Variants in MYO1B observed in about 807,000 individuals in gnomAD.
The protein encoded by MYO1B is unconventional myosin-Ib.
Under a neutral mutation model 159.7 loss-of-function variants are expected in MYO1B, and 72 were observed. The observed-to-expected ratio is 0.45, with a 90% CI of 0.37 to 0.55. MYO1B has a LOEUF of 0.55. MYO1B is among the 20% of genes least tolerant of loss of function. The pLI, the probability that MYO1B is intolerant of heterozygous loss-of-function variation, is 0.00. For synonymous variants in MYO1B, 468 were observed against 473.8 expected (o/e 0.99, Z 0.16); for missense variants, 1,062 against 1,364.8 (o/e 0.78, Z 3.50).
chr2:191,302,002 C>G, intron 3 of MYO1B, among the ~76,000 whole-genome samples: 1 of 152,230 alleles, frequency 6.6e-6, no homozygotes, highest in East Asian at 1.9e-4. Flanking sequence ...TCCCTGCTCT[C>G]CTCCAAACCC....
intron 3 of MYO1B, among the ~76,000 whole-genome samples, chr2:191,322,649 GAA>G (rs1690801413): frequency 6.6e-6 from 1 of 152,126 alleles, no homozygotes; most frequent in South Asian, 2.1e-4. Flanking sequence ...AATCTTGAAA[GAA>G]AACTACCCCT....
At chr2:191,349,912 C>A (rs1357793118) in intron 6 of MYO1B, among the ~76,000 whole-genome samples, 1 of 152,170 alleles carries the variant, frequency 6.6e-6, no homozygotes, top group Non-Finnish European at 1.5e-5. Flanking sequence ...ATGGAAAAAT[C>A]ACATGATGGC....
In MYO1B at chr2:191,333,803, A is replaced by G. The variant is rs76963821; in HGVS notation, c.346+3774A>G. Among the ~76,000 whole-genome samples, 6 of 152,274 alleles carry G rather than the reference A, an allele frequency of 3.9e-5. No individual in the cohort carries two copies. The East Asian group carries it at 1.2e-3, about 29-fold the overall frequency. On this transcript the variant is annotated intron_variant, in intron 4 of 30. Transcript: ENST00000392318. ...AAAATGTTTTTACCCCTTCCATGTC[A>G]CTAACCAGTTCTTTCAGGTGAAACA...
rs544242395 is a variant in MYO1B, at chr2:191,398,855, A to G, written c.2296-1527A>G. On this transcript the variant is annotated intron_variant, in intron 21 of 30. Transcript: ENST00000392318. ...CAGGCAGAGACGCTCCTCACTTCCC[A>G]GACGGGGTGGCGGCCGGGCAGAGGC... is the stretch of plus-strand genomic sequence containing the variant. 3.4e-3 allele frequency among the ~76,000 whole-genome samples: 522 copies of G among 152,158 alleles called. 1 individual carries two copies. Among genetic ancestry groups the G allele is most frequent in the African/African-American group, 0.012 (503 of 41,516 alleles).
At chr2:191,391,574 G>C (rs1437933306) in intron 18 of MYO1B, among the ~76,000 whole-genome samples, 1 of 152,156 alleles carries the variant, frequency 6.6e-6, no homozygotes, top group Non-Finnish European at 1.5e-5. Flanking sequence ...GTGAGGTTTA[G>C]TTCTAAAGAC....
intron 3 of MYO1B, among the ~76,000 whole-genome samples, chr2:191,314,096 C>T (rs1183019729): frequency 6.6e-6 from 1 of 152,096 alleles, no homozygotes; most frequent in Non-Finnish European, 1.5e-5. Flanking sequence ...AACATGAGTT[C>T]AGTAGTATAA....
intron 4 of MYO1B, among the ~76,000 whole-genome samples, chr2:191,330,286 G>A (rs138695275): frequency 1.3e-5 from 2 of 152,104 alleles, no homozygotes; most frequent in African/African-American, 4.8e-5. Flanking sequence ...TCTGGATGGT[G>A]CAAGATCTTT....
chr2:191,402,301 T>C (rs72918550), intron 23 of MYO1B: 22,967 of 320,320 alleles, frequency 0.072, 1,079 homozygotes, highest in Middle Eastern at 0.11. Flanking sequence ...AAGGCTTTGA[T>C]ATGGGAGTGA....
At chr2:191,365,196 C>T (rs148045849) in intron 11 of MYO1B, among the ~76,000 whole-genome samples, 1 of 152,258 alleles carries the variant, frequency 6.6e-6, no homozygotes, top group African/African-American at 2.4e-5. Context: ...CGCATTTTAC[C>T]ACCAGTCAAT....
rs139693735 is a variant in MYO1B, at chr2:191,378,865, G to A, written c.1186-2597G>A. 3.6e-4 allele frequency among the ~76,000 whole-genome samples: 55 copies of A among 152,250 alleles called. No individual in the cohort carries two copies. In the Middle Eastern group the frequency reaches 0.014, roughly 38 times the overall value. Reference sequence around the variant, plus strand: ...GGATAAGGGGTGATATTGTGGGGTTGTTAGAAGGAGCATTTGTCATATAGA... The same window carrying A: ...GGATAAGGGGTGATATTGTGGGGTTATTAGAAGGAGCATTTGTCATATAGA... On this transcript the variant is annotated intron_variant, in intron 13 of 30. Coordinates refer to ENST00000392318, the MANE Select transcript of MYO1B (RefSeq NM_001130158.3).
chr2:191,323,475 G>A (rs1408449012), intron 3 of MYO1B, among the ~76,000 whole-genome samples: 2 of 152,150 alleles, frequency 1.3e-5, no homozygotes, highest in African/African-American at 2.4e-5. Flanking sequence ...ATAACATTCA[G>A]ATAGTATGAT....
intron 2 of MYO1B, among the ~76,000 whole-genome samples, chr2:191,284,630 C>T (rs1688256302): frequency 6.6e-6 from 1 of 151,966 alleles, no homozygotes. Flanking sequence ...AGGTTTCAGA[C>T]ATTGATGTTT....
intron 22 of MYO1B, 60 bp downstream of exon 22, chr2:191,400,528 A>G (rs1696543854): frequency 6.4e-7 from 1 of 1,573,884 alleles, no homozygotes; most frequent in Non-Finnish European, 8.7e-7. Flanking sequence ...GGAACCATGA[A>G]CCCTCGGCTT....
intron 11 of MYO1B, 60 bp from the exon 12 acceptor site, chr2:191,369,482 A>T: frequency 8.2e-7 from 1 of 1,220,714 alleles, no homozygotes; most frequent in African/African-American, 1.5e-5. Flanking sequence ...TTATGATTTT[A>T]TTAAAAGTAA....
intron 3 of MYO1B, among the ~76,000 whole-genome samples, chr2:191,308,510 C>T (rs576878224): frequency 2.6e-4 from 39 of 152,262 alleles, no homozygotes; most frequent in African/African-American, 9.4e-4. Flanking sequence ...GGATCCCATT[C>T]AACCCCTCCA....
intron 13 of MYO1B, 133 bp downstream of exon 13, chr2:191,370,425 C>CT: frequency 1.5e-6 from 1 of 664,186 alleles, no homozygotes; most frequent in Non-Finnish European, 2.6e-6. Flanking sequence ...ATGTAACACA[C>CT]TATCACTTTG....
chr2:191,264,078 T>C (rs1190668542), intron 1 of MYO1B, among the ~76,000 whole-genome samples: 1 of 152,186 alleles, frequency 6.6e-6, no homozygotes. Context: ...AAACCAGAAA[T>C]TGACCTAGAA....
intron 7 of MYO1B, among the ~76,000 whole-genome samples, chr2:191,358,465 C>T (rs986635706): frequency 2.0e-5 from 3 of 152,136 alleles, no homozygotes; most frequent in Non-Finnish European, 2.9e-5. Context: ...TCATATCGTG[C>T]GCAAGTGAAT....
chr2:191,264,838 T>A (rs536807639), intron 1 of MYO1B, among the ~76,000 whole-genome samples: 1 of 151,658 alleles, frequency 6.6e-6, no homozygotes, highest in South Asian at 2.1e-4. Context: ...TTTCCAGAGT[T>A]GAGCCTTGTT....
Sources: allele counts gnomAD v4.1 joint callset (sites outside exome capture counted in the v4.1 genomes callset), GRCh38; gene constraint gnomAD v4.1.1; transcripts MANE v1.5; gene names NCBI Gene and HGNC (gene_info 2026-07-23, HGNC 2026-07-21).